The following PRKN variants were observed in gnomAD, a reference collection of about 807,000 sequenced individuals.
PRKN encodes parkin RBR E3 ubiquitin protein ligase.
In PRKN, 56 loss-of-function variants were observed where a neutral mutation model predicts 59.5. The observed-to-expected ratio is 0.94, with a 90% confidence interval of 0.76 to 1.18. The LOEUF (loss-of-function observed/expected upper bound fraction) is 1.18, where lower values mean the gene tolerates loss of function less well. PRKN is among the 50% of genes most tolerant of loss of function. The pLI is 0.00. For missense variants in PRKN, 657 were observed against 596.4 expected, an observed-to-expected ratio of 1.10 and a Z score of -1.06; for synonymous variants, 250 against 222.1, an observed-to-expected ratio of 1.13 and a Z score of -1.12.
At chr6:161,569,250 A>C in intron 8 of PRKN, 105 bp downstream of exon 8, 2 of 969,740 alleles carry the variant, frequency 2.1e-6, no homozygotes, top group African/African-American at 3.2e-5. Flanking sequence ...ATTTCAGGGC[A>C]CCCAGGGTCA....
At chr6:162,260,805 T>C (rs1364404937) in intron 3 of PRKN, among the ~76,000 whole-genome samples, 1 of 152,216 alleles carries the variant, frequency 6.6e-6, no homozygotes, top group African/African-American at 2.4e-5. Context: ...CAATGTGATT[T>C]TTTTATTTTT....
intron 9 of PRKN, among the ~76,000 whole-genome samples, chr6:161,532,170 A>ACC (rs1779245703): frequency 2.0e-5 from 1 of 50,440 alleles, no homozygotes; most frequent in African/African-American, 7.1e-5. Flanking sequence ...CTCTCTCTAT[A>ACC]TATATATATA....
intron 9 of PRKN, among the ~76,000 whole-genome samples, chr6:161,508,755 C>CT (rs11393477): frequency 0.081 from 12,263 of 152,014 alleles, 723 homozygotes; most frequent in African/African-American, 0.16. Context: ...CTGTAGCCTA[C>CT]TTTTTTTCCC....
intron 9 of PRKN, among the ~76,000 whole-genome samples, chr6:161,492,075 CAT>C (rs764367087): frequency 2.5e-4 from 38 of 152,176 alleles, no homozygotes; most frequent in Non-Finnish European, 4.4e-4. Flanking sequence ...ATGCTCAGTA[CAT>C]GTTAGCTGTC....
chr6:162,349,207 C>G (rs1784525011), intron 2 of PRKN, among the ~76,000 whole-genome samples: 1 of 150,644 alleles, frequency 6.6e-6, no homozygotes, highest in Admixed American at 6.7e-5. Context: ...GTGGCTCACG[C>G]CTGTAATCCT....
intron 5 of PRKN, among the ~76,000 whole-genome samples, chr6:162,032,250 T>C (rs1783671442): frequency 6.6e-6 from 1 of 152,116 alleles, no homozygotes; most frequent in Non-Finnish European, 1.5e-5. Flanking sequence ...ATACCACTCT[T>C]TGGAGAATTT....
At chr6:162,585,189 G>A (rs1420822706) in intron 1 of PRKN, among the ~76,000 whole-genome samples, 1 of 151,574 alleles carries the variant, frequency 6.6e-6, no homozygotes, top group African/African-American at 2.4e-5. Flanking sequence ...ATGAGCCACT[G>A]CACCTGGCCT....
chr6:161,606,442 A>G (rs1338913265), intron 7 of PRKN, among the ~76,000 whole-genome samples: 1 of 152,206 alleles, frequency 6.6e-6, no homozygotes, highest in African/African-American at 2.4e-5. Context: ...AAAAAGAAAA[A>G]CAAGTGTTCC....
At position 161,993,521 on chromosome 6, in the gene PRKN, T is replaced by C. The variant is rs577590059; in HGVS notation, c.619-20104A>G. On this transcript the variant is annotated intron_variant, in intron 5 of 11. Coordinates refer to ENST00000366898, the MANE Select transcript of PRKN (RefSeq NM_004562.3). ...ACTGCAGAATTCTATCAAATTTATA[T>C]AGAAAAGCTAAAAGCAATTCTTAAA... is the stretch of plus-strand genomic sequence containing the variant. Among the ~76,000 whole-genome samples, 15 of 152,296 alleles carry C rather than the reference T, an allele frequency of 9.8e-5. No individual in the cohort carries two copies. In the East Asian group the frequency reaches 1.4e-3, roughly 14 times the overall value.
chr6:162,534,037 A>G (rs1379330891), intron 1 of PRKN, among the ~76,000 whole-genome samples: 1 of 151,904 alleles, frequency 6.6e-6, no homozygotes, highest in Non-Finnish European at 1.5e-5. Flanking sequence ...AATATTTCAC[A>G]CAGGCCCACA....
At chr6:161,384,865 C>T (rs1786162769) in intron 10 of PRKN, among the ~76,000 whole-genome samples, 1 of 152,204 alleles carries the variant, frequency 6.6e-6, no homozygotes, top group Non-Finnish European at 1.5e-5. Flanking sequence ...TTACGATATT[C>T]ATTTTCCAGT....
rs138539379 is a variant in PRKN, at chr6:161,427,898, C to T, written c.1084-41021G>A. 4.1e-3 allele frequency among the ~76,000 whole-genome samples: 625 copies of T among 152,238 alleles called. 4 individuals carry two copies. Among genetic ancestry groups the T allele is most frequent in the African/African-American group, 0.015 (606 of 41,532 alleles). Reference sequence around the variant, plus strand: ...CAAGCAAATCAGTCATGACTCCAGGCGTGACTCCAGACTGAAATCACTCTT... The same window carrying T: ...CAAGCAAATCAGTCATGACTCCAGGTGTGACTCCAGACTGAAATCACTCTT... On this transcript the variant is annotated intron_variant, in intron 9 of 11. Transcript: ENST00000366898.
At chr6:162,603,406 T>C (rs944524638) in intron 1 of PRKN, among the ~76,000 whole-genome samples, 9 of 152,310 alleles carry the variant, frequency 5.9e-5, no homozygotes, top group South Asian at 4.1e-4. Context: ...AGATGCAGCC[T>C]GCTATTGGTT....
At chr6:161,780,725 A>G (rs1281681529) in intron 7 of PRKN, among the ~76,000 whole-genome samples, 1 of 152,222 alleles carries the variant, frequency 6.6e-6, no homozygotes, top group Non-Finnish European at 1.5e-5. Flanking sequence ...ATGTGATTAT[A>G]AAATAGGCTC....
chr6:162,592,263 T>C (rs920229252), intron 1 of PRKN, among the ~76,000 whole-genome samples: 7 of 152,146 alleles, frequency 4.6e-5, no homozygotes, highest in Non-Finnish European at 1.0e-4. Context: ...CTCCCAAAGA[T>C]TACAGGTGTG....
rs558154310 is a variant in PRKN at position 161,771,820 on chromosome 6, A to T, written c.871+13952T>A. On this transcript the variant is annotated intron_variant, in intron 7 of 11. Transcript: ENST00000366898. ...AACTTGGTATGCATTGAAAACATGA[A>T]ATTCTCTCAGTCTCCTGCTTTGGAA... Among the ~76,000 whole-genome samples, 6 of 152,252 alleles carry T rather than the reference A, an allele frequency of 3.9e-5. No homozygotes were observed. In the East Asian group the frequency reaches 1.2e-3, roughly 29 times the overall value.
chr6:161,756,933 C>A (rs750497552), intron 7 of PRKN, among the ~76,000 whole-genome samples: 2 of 152,166 alleles, frequency 1.3e-5, no homozygotes, highest in African/African-American at 2.4e-5. Flanking sequence ...CAGAAATAGA[C>A]CCTCCAGTAC....
chr6:162,170,391 CT>C (rs1204629672), intron 4 of PRKN, among the ~76,000 whole-genome samples: 4 of 152,138 alleles, frequency 2.6e-5, no homozygotes, highest in African/African-American at 9.7e-5. Context: ...GTTTATTTTC[CT>C]TTGTAATAGA....
chr6:161,749,209 T>C (rs1788571235), intron 7 of PRKN, among the ~76,000 whole-genome samples: 1 of 152,216 alleles, frequency 6.6e-6, no homozygotes, highest in Non-Finnish European at 1.5e-5. Context: ...CAGCTTCGCC[T>C]ATTTCTCTGA....
Sources: allele counts gnomAD v4.1 joint callset (sites outside exome capture counted in the v4.1 genomes callset), GRCh38; gene constraint gnomAD v4.1.1; transcripts MANE v1.5; gene names NCBI Gene and HGNC (gene_info 2026-07-23, HGNC 2026-07-21).